DPYSL2: variants seen among roughly 807,000 people sequenced by gnomAD.
DPYSL2 encodes the protein dihydropyrimidinase-related protein 2.
A neutral mutation model predicts 69.9 loss-of-function variants in DPYSL2; 13 were observed. The ratio of observed to expected loss-of-function variants is 0.19; its 90% CI spans 0.12 to 0.30. The LOEUF (loss-of-function observed/expected upper bound fraction) is 0.30. Among genes scored for constraint, DPYSL2 ranks in the 10% least tolerant of loss-of-function variants. The pLI is 1.00. For synonymous variants in DPYSL2, 326 were observed against 359.1 expected, an observed-to-expected ratio of 0.91 and a Z score of 1.04; for missense variants, 587 against 918.9, an observed-to-expected ratio of 0.64 and a Z score of 4.67.
chr8:26,578,019 T>C lies in DPYSL2; in HGVS notation c.355-3950T>C, dbSNP rs73678814. The C allele has an allele frequency of 8.0e-4, 1,080 of 1,351,374 alleles. 2 individuals are homozygous for C. The African/African-American group carries it at 0.012, about 15-fold the overall frequency. 83.7% of individuals were successfully genotyped at this position (1,351,374 alleles called of 1,614,324 possible). A position where few individuals can be genotyped will look rare whatever the true frequency, so the allele number is the denominator to read the frequency against. On this transcript the variant is annotated intron_variant, in intron 1 of 13. Coordinates refer to ENST00000521913, the MANE Select transcript of DPYSL2 (RefSeq NM_001197293.3). ...TCTCTCTCTCTCTCTCTCTCTCTCT[T>C]TTTTTTCCGCCCTAGCTGGGGCTGT... is the stretch of plus-strand genomic sequence containing the variant.
In DPYSL2 at chr8:26,580,861, C is replaced by T. The variant is rs1233106638; in HGVS notation, c.355-1108C>T. 6.6e-6 allele frequency among the ~76,000 whole-genome samples: 1 copy of T among 152,172 alleles called. No individual in the cohort carries two copies. The highest frequency in any genetic ancestry group is 1.5e-5 in the Non-Finnish European group (1 of 68,030). On this transcript the variant is annotated intron_variant, in intron 1 of 13. Coordinates refer to ENST00000521913, the MANE Select transcript of DPYSL2 (RefSeq NM_001197293.3). The surrounding 1 kb of genome is among the most constrained non-coding windows in gnomAD (Gnocchi z 4.1). ...TACAGGTGCATATTTACTGAACACT[C>T]GATGCCAGCATTCCTTCCATCAGCA...
rs938535395 is a variant in DPYSL2 at position 26,587,994 on chromosome 8, C to T, written c.628+4011C>T. Among the ~76,000 whole-genome samples, 8 of 152,180 alleles carry T rather than the reference C, an allele frequency of 5.3e-5. No individual in the cohort carries two copies. The highest frequency in any genetic ancestry group is 1.3e-4 in the Admixed American group (2 of 15,276). ...CATACACCTGTAGCTCTGGCCTCAC[C>T]GCTTGCCCTGGGGCCACCTTTGCTC... On this transcript the variant is annotated intron_variant, in intron 3 of 13. Coordinates refer to ENST00000521913, the MANE Select transcript of DPYSL2 (RefSeq NM_001197293.3). This position sits in a 1 kb window ranked among gnomAD's most constrained non-coding sequence, Gnocchi z 4.2.
At chr8:26,559,309 C>A (rs1056748636) in intron 1 of DPYSL2, among the ~76,000 whole-genome samples, 11 of 152,272 alleles carry the variant, frequency 7.2e-5, no homozygotes, top group African/African-American at 2.4e-4. Flanking sequence ...TATTTCCTTA[C>A]AATAAATTTA....
intron 1 of DPYSL2, among the ~76,000 whole-genome samples, chr8:26,531,677 T>A (rs1025203546): frequency 1.3e-5 from 2 of 152,234 alleles, no homozygotes; most frequent in South Asian, 2.1e-4. Flanking sequence ...CAGGGCCTGG[T>A]ATTAGCAGGT....
intron 7 of DPYSL2, 81 bp from the exon 8 acceptor site, chr8:26,634,699 C>T: frequency 1.9e-6 from 3 of 1,606,992 alleles, no homozygotes; most frequent in Non-Finnish European, 2.6e-6. Flanking sequence ...TCATCTTAGC[C>T]TCTCTCTGGG....
chr8:26,520,199 G>A (rs925311211), intron 1 of DPYSL2, among the ~76,000 whole-genome samples: 4 of 152,092 alleles, frequency 2.6e-5, no homozygotes, highest in African/African-American at 9.7e-5. Context: ...TGATTGTGAG[G>A]CCTCCCCAGC....
intron 1 of DPYSL2, among the ~76,000 whole-genome samples, chr8:26,541,001 C>T (rs1382423810): frequency 6.6e-6 from 1 of 151,932 alleles, no homozygotes; most frequent in African/African-American, 2.4e-5. Flanking sequence ...AGATGCTCCT[C>T]AATTTGTGAT....
Position 26,596,329 on chromosome 8 carries a change from A to G in DPYSL2, c.628+12346A>G, listed in dbSNP as rs530280780. ...CTTGTCCAAACGAATACACTTCTAT[A>G]TCCTACTAAAAATGATTGCAGGACA... On this transcript the variant is annotated intron_variant, in intron 3 of 13. Coordinates refer to ENST00000521913, the MANE Select transcript of DPYSL2 (RefSeq NM_001197293.3). 1.1e-3 allele frequency among the ~76,000 whole-genome samples: 169 copies of G among 152,314 alleles called. 1 individual carries two copies. The highest frequency in any genetic ancestry group is 1.9e-4 in the Non-Finnish European group (13 of 68,026).
intron 1 of DPYSL2, chr8:26,577,683 G>A: frequency 2.0e-6 from 1 of 505,592 alleles, no homozygotes; most frequent in Non-Finnish European, 2.5e-6. Flanking sequence ...CGCCAAACCC[G>A]GTCCCCACCG....
chr8:26,587,544 A>G lies in DPYSL2; in HGVS notation c.628+3561A>G, dbSNP rs576825815. Among the ~76,000 whole-genome samples the G allele has an allele frequency of 6.6e-6, 1 of 152,302 alleles. No individual in the cohort carries two copies. The highest frequency in any genetic ancestry group is 1.9e-4 in the East Asian group (1 of 5,184). The stretch of plus-strand genomic sequence containing the variant: ...GCCGCATGTAGAGGAAAACACAGCC[A>G]AATATTCTCGGTTTAAAAAAGGAGA... On this transcript the variant is annotated intron_variant, in intron 3 of 13. Coordinates refer to ENST00000521913, the MANE Select transcript of DPYSL2 (RefSeq NM_001197293.3). The surrounding 1 kb of genome is among the most constrained non-coding windows in gnomAD (Gnocchi z 4.2).
rs1027882360 is a variant in DPYSL2 at position 26,650,070 on chromosome 8, C to T, written c.1597-2187C>T. ...AGTGTTAGCAAAGTGCAATAAAGAG[C>T]CAGACAGTGAATGAGTGAAGATTTT... is the stretch of plus-strand genomic sequence containing the variant. On this transcript the variant is annotated intron_variant, in intron 11 of 13. Transcript: ENST00000521913. The surrounding 1 kb of genome is among the most constrained non-coding windows in gnomAD (Gnocchi z 5.3). 3.9e-5 allele frequency among the ~76,000 whole-genome samples: 6 copies of T among 152,134 alleles called. No individual in the cohort carries two copies. Among genetic ancestry groups the T allele is most frequent in the Non-Finnish European group, 8.8e-5 (6 of 68,042 alleles).
chr8:26,608,405 C>T (rs1161075386), intron 3 of DPYSL2, among the ~76,000 whole-genome samples: 1 of 151,982 alleles, frequency 6.6e-6, no homozygotes, highest in Non-Finnish European at 1.5e-5. Flanking sequence ...TACTTTTGTA[C>T]TTAGAGGAGT....
At chr8:26,577,023 C>T (rs1801361822) in intron 1 of DPYSL2, 3 of 341,832 alleles carry the variant, frequency 8.8e-6, no homozygotes, top group African/African-American at 6.8e-5. Flanking sequence ...GGCTGCTCCC[C>T]ATTCCTCCGC....
At chr8:26,574,154 G>T (rs1563391895) in intron 1 of DPYSL2, among the ~76,000 whole-genome samples, 1 of 152,178 alleles carries the variant, frequency 6.6e-6, no homozygotes, top group Non-Finnish European at 1.5e-5. Flanking sequence ...TGTGGGGGTA[G>T]GATGGGGAAA....
At position 26,527,575 on chromosome 8, in the gene DPYSL2, A is replaced by G. The variant is rs149100058; in HGVS notation, c.354+12896A>G. ...CCAATTCTTATTTTCTGGTGCAGAG[A>G]TTTCTGGTTTGGGTTTTTACACGCA... On this transcript the variant is annotated intron_variant, in intron 1 of 13. Coordinates refer to ENST00000521913, the MANE Select transcript of DPYSL2 (RefSeq NM_001197293.3). 3.4e-3 allele frequency among the ~76,000 whole-genome samples: 515 copies of G among 152,172 alleles called. 3 individuals carry two copies. The highest frequency in any genetic ancestry group is 0.012 in the African/African-American group (495 of 41,516).
At chr8:26,540,711 G>T (rs1412459929) in intron 1 of DPYSL2, among the ~76,000 whole-genome samples, 1 of 152,056 alleles carries the variant, frequency 6.6e-6, no homozygotes, top group Non-Finnish European at 1.5e-5. Flanking sequence ...TTCGAGACCA[G>T]CCTGGCTAAC....
At chr8:26,554,114 T>C (rs1438823170) in intron 1 of DPYSL2, among the ~76,000 whole-genome samples, 3 of 152,174 alleles carry the variant, frequency 2.0e-5, no homozygotes, top group Middle Eastern at 3.4e-3. Context: ...GGTCTTGAAC[T>C]CCTGACCTCG....
chr8:26,569,053 T>A (rs1801195565), intron 1 of DPYSL2, among the ~76,000 whole-genome samples: 1 of 152,006 alleles, frequency 6.6e-6, no homozygotes, highest in African/African-American at 2.4e-5. Context: ...CACCATCTGG[T>A]CTTTTAAAAG....
In DPYSL2 at chr8:26,595,943, G is replaced by A. The variant is rs116319672; in HGVS notation, c.628+11960G>A. Reference sequence around the variant, plus strand: ...GGACAGGCATATCTCATGCCTTTTTGCTTCAGCTGGGAGTTTGTTTTTTTT... The same window carrying A: ...GGACAGGCATATCTCATGCCTTTTTACTTCAGCTGGGAGTTTGTTTTTTTT... On this transcript the variant is annotated intron_variant, in intron 3 of 13. Transcript: ENST00000521913. Among the ~76,000 whole-genome samples, 440 of 152,026 alleles carry A rather than the reference G, an allele frequency of 2.9e-3. 1 individual carries two copies. The highest frequency in any genetic ancestry group is 0.01 in the African/African-American group (429 of 41,516).
Sources: allele counts gnomAD v4.1 joint callset (sites outside exome capture counted in the v4.1 genomes callset), GRCh38; gene constraint gnomAD v4.1.1; non-coding constraint Gnocchi (gnomAD v3.1); transcripts MANE v1.5; gene names NCBI Gene and HGNC (gene_info 2026-07-23, HGNC 2026-07-21).